Variants in TBL1XR1 observed in about 807,000 individuals in gnomAD.
TBL1XR1 encodes the protein F-box-like/WD repeat-containing protein TBL1XR1.
A neutral mutation model predicts 66.9 loss-of-function variants in TBL1XR1; 5 were observed. The observed-to-expected ratio is 0.07, with a 90% CI of 0.04 to 0.16. TBL1XR1 has a LOEUF of 0.16. Ranked by LOEUF, TBL1XR1 falls within the 10% of genes least tolerant of loss-of-function variation. TBL1XR1 has a pLI of 1.00. For missense variants in TBL1XR1, 238 were observed against 623.2 expected, an observed-to-expected ratio of 0.38 and a Z score of 6.58; for synonymous variants, 210 against 206.0, an observed-to-expected ratio of 1.02 and a Z score of -0.17.
chr3:177,092,571 A>T (rs1179711941), intron 2 of TBL1XR1, among the ~76,000 whole-genome samples: 1 of 152,192 alleles, frequency 6.6e-6, no homozygotes, highest in East Asian at 1.9e-4. Context: ...GGTAGTGTAA[A>T]GAAATTATTG....
upstream of TBL1XR1, among the ~76,000 whole-genome samples, chr3:177,199,462 C>G (rs1299238133): frequency 1.4e-5 from 2 of 145,962 alleles, no homozygotes; most frequent in Non-Finnish European, 3.0e-5. Flanking sequence ...TCGGTGGAGC[C>G]ACTCAATGAA....
At chr3:177,114,191 CCT>C (rs1317639080) in intron 1 of TBL1XR1, among the ~76,000 whole-genome samples, 2 of 151,148 alleles carry the variant, frequency 1.3e-5, no homozygotes, top group African/African-American at 4.9e-5. Context: ...TTCAACCATT[CCT>C]CTCTCTATAT....
chr3:177,158,160 T>TAAAAAA (rs112874908), intron 1 of TBL1XR1, among the ~76,000 whole-genome samples: 1 of 146,962 alleles, frequency 6.8e-6, no homozygotes, highest in African/African-American at 2.5e-5. Context: ...AAATAAAAAG[T>TAAAAAA]AAAACAAAAA....
At chr3:177,195,542 G>A (rs1053312979) in intron 1 of TBL1XR1, 3 of 151,638 alleles carry the variant, frequency 2.0e-5, no homozygotes, top group Non-Finnish European at 4.4e-5. Flanking sequence ...GAATCACACT[G>A]GAAAACCCAA....
intron 1 of TBL1XR1, among the ~76,000 whole-genome samples, chr3:177,123,646 T>C (rs1019156494): frequency 1.3e-5 from 2 of 152,082 alleles, no homozygotes; most frequent in Non-Finnish European, 2.9e-5. Flanking sequence ...TCTCAAAATA[T>C]TCTGACTGAA....
intron 2 of TBL1XR1, among the ~76,000 whole-genome samples, chr3:177,088,150 T>C (rs1230401509): frequency 6.6e-5 from 10 of 152,066 alleles, no homozygotes; most frequent in Admixed American, 3.9e-4. Context: ...AAAATGAAAA[T>C]AGTAATTCAC....
At chr3:177,160,223 A>G (rs1367292757) in intron 1 of TBL1XR1, among the ~76,000 whole-genome samples, 1 of 152,128 alleles carries the variant, frequency 6.6e-6, no homozygotes, top group African/African-American at 2.4e-5. Context: ...CTGTAATCCC[A>G]GCACTTTGGG....
Position 177,026,270 on chromosome 3 carries a change from A to G in TBL1XR1, c.1518+103T>C, listed in dbSNP as rs961272870. On this transcript the variant is annotated intron_variant, in intron 15 of 15. Coordinates refer to ENST00000457928, the MANE Select transcript of TBL1XR1 (RefSeq NM_024665.7). ...AAAAAAAAAATCAGTATCATACCTTAAAATTTATTTTGAAAAAAACACTTT... is the reference window on the plus strand; with the variant it reads ...AAAAAAAAAATCAGTATCATACCTTGAAATTTATTTTGAAAAAAACACTTT... 271 of 932,090 alleles carry G rather than the reference A, an allele frequency of 2.9e-4. 1 individual carries two copies. Among genetic ancestry groups the G allele is most frequent in the Non-Finnish European group, 3.8e-4 (237 of 618,514 alleles). 57.7% of individuals were successfully genotyped at this position (932,090 alleles called of 1,614,324 possible).
At chr3:177,104,141 G>C (rs1724582252) in intron 1 of TBL1XR1, among the ~76,000 whole-genome samples, 1 of 149,852 alleles carries the variant, frequency 6.7e-6, no homozygotes, top group Non-Finnish European at 1.5e-5. Context: ...GAGAGAGAGA[G>C]AAATATATAA....
intron 1 of TBL1XR1, among the ~76,000 whole-genome samples, chr3:177,140,585 CAAAG>C (rs1378940077): frequency 2.6e-5 from 4 of 152,030 alleles, no homozygotes; most frequent in Non-Finnish European, 5.9e-5. Context: ...GGCAAAACAA[CAAAG>C]AAAACACAAC....
At chr3:177,074,121 C>T (rs1470675296) in intron 2 of TBL1XR1, among the ~76,000 whole-genome samples, 5 of 152,148 alleles carry the variant, frequency 3.3e-5, no homozygotes, top group African/African-American at 1.2e-4. Flanking sequence ...GGCAAAAAAT[C>T]TGAAATTCTT....
At chr3:177,197,846 G>A (rs917888588), upstream of TBL1XR1, among the ~76,000 whole-genome samples, 5 of 147,390 alleles carry the variant, frequency 3.4e-5, no homozygotes, top group African/African-American at 1.2e-4. Flanking sequence ...GCCCCGGGCC[G>A]CCCGCCCCGC....
chr3:177,159,165 AAGAG>A (rs888112667), intron 1 of TBL1XR1, among the ~76,000 whole-genome samples: 7 of 152,130 alleles, frequency 4.6e-5, no homozygotes, highest in African/African-American at 1.7e-4. Context: ...TAAAAAAAAA[AAGAG>A]AGAAATCAGT....
chr3:177,108,651 A>T (rs997025001), intron 1 of TBL1XR1, among the ~76,000 whole-genome samples: 1 of 152,216 alleles, frequency 6.6e-6, no homozygotes, highest in Non-Finnish European at 1.5e-5. Flanking sequence ...AAGGGAGCAA[A>T]AAGGTTAAAA....
chr3:177,043,372 TTTG>T (rs1348366596), intron 10 of TBL1XR1, among the ~76,000 whole-genome samples: 6 of 152,164 alleles, frequency 3.9e-5, no homozygotes, highest in African/African-American at 1.4e-4. Flanking sequence ...TTTAAAATGT[TTTG>T]TTGAATTGAC....
At chr3:177,175,177 A>G (rs932770633) in intron 1 of TBL1XR1, among the ~76,000 whole-genome samples, 4 of 152,208 alleles carry the variant, frequency 2.6e-5, no homozygotes, top group Admixed American at 6.5e-5. Flanking sequence ...ATAAATGTGA[A>G]TAACATTGTA....
chr3:177,059,357 C>CA (rs1560127540), intron 3 of TBL1XR1, among the ~76,000 whole-genome samples: 4 of 151,882 alleles, frequency 2.6e-5, no homozygotes, highest in South Asian at 2.1e-4. Context: ...TACAATGAAA[C>CA]AAAAAAATGA....
chr3:177,086,874 T>G (rs1456443738), intron 2 of TBL1XR1: 3 of 151,296 alleles, frequency 2.0e-5, no homozygotes, highest in Admixed American at 6.6e-5. Context: ...CACACACACC[T>G]TACATGTTGT....
intron 2 of TBL1XR1, among the ~76,000 whole-genome samples, chr3:177,092,731 CCTAGAA>C (rs1722994480): frequency 3.4e-5 from 5 of 146,068 alleles, no homozygotes; most frequent in Non-Finnish European, 6.1e-5. Flanking sequence ...AAAAAAAAAA[CCTAGAA>C]TTACCATATG....
Sources: gnomAD v4.1 joint callset for allele counts (sites outside exome capture counted in the v4.1 genomes callset) on GRCh38, gnomAD v4.1.1 for gene constraint, MANE v1.5 for transcripts, NCBI Gene and HGNC (gene_info 2026-07-23, HGNC 2026-07-21) for gene names.